The following ARL13A variants were observed in gnomAD, a reference collection of about 807,000 sequenced individuals.
The protein encoded by ARL13A is ADP-ribosylation factor-like protein 13A.
A neutral mutation model predicts 19.1 loss-of-function variants in ARL13A; 16 were observed. That is an observed-to-expected ratio of 0.84 (90% confidence interval 0.57 to 1.27). The LOEUF (loss-of-function observed/expected upper bound fraction) is 1.27. Among genes scored for constraint, ARL13A ranks in the 50% most tolerant of loss-of-function variants. The pLI, the probability that ARL13A is intolerant of heterozygous loss-of-function variation, is 0.00. For synonymous variants in ARL13A, 69 were observed against 71.3 expected (o/e 0.97, Z 0.17); for missense variants, 153 against 186.4 (o/e 0.82, Z 1.04).
intron 3 of ARL13A, among the ~76,000 whole-genome samples, chrX:100,983,500 G>A (rs1488693857): frequency 9.1e-6 from 1 of 110,070 alleles, no homozygotes; most frequent in Non-Finnish European, 1.9e-5. Context: ...AGGATTACAG[G>A]TGCCCGCCAC....
At chrX:100,985,225 G>A (rs965533220) in intron 3 of ARL13A, among the ~76,000 whole-genome samples, 21 of 112,095 alleles carry the variant, frequency 1.9e-4, no homozygotes, top group African/African-American at 6.8e-4. Flanking sequence ...GGGCAAAGGA[G>A]CCAAGGGAAG....
intron 7 of ARL13A, 73 bp downstream of exon 7, chrX:100,988,356 C>G: frequency 8.3e-7 from 1 of 1,206,956 alleles, no homozygotes; most frequent in Non-Finnish European, 1.1e-6. Flanking sequence ...ACTTTCCCCC[C>G]CATCATCTTC....
At chrX:100,975,736 G>A (rs1468265444) in intron 3 of ARL13A, among the ~76,000 whole-genome samples, 1 of 108,443 alleles carries the variant, frequency 9.2e-6, no homozygotes, top group Non-Finnish European at 1.9e-5. Context: ...AGGTTCAAGC[G>A]ATTCACATGC....
intron 1 of ARL13A, 149 bp from the exon 2 acceptor site, chrX:100,973,527 A>G: frequency 1.0e-6 from 1 of 955,717 alleles, no homozygotes; most frequent in Non-Finnish European, 1.4e-6. Context: ...TATGACATTT[A>G]TAGACACAGT....
chrX:100,987,536 A>G lies in ARL13A; in HGVS notation c.633A>G (p.Gly211=). The G allele has an allele frequency of 2.5e-6, 3 of 1,211,206 alleles. No individual in the cohort carries two copies. The highest frequency in any genetic ancestry group is 3.4e-6 in the Non-Finnish European group (3 of 895,415). Residue 211 remains glycine, a synonymous_variant, in exon 6 of 8, where the codon GGA becomes GGG. Transcript: ENST00000450049. ...ISISKNNTGS[G]ERCSSHSFST... is the part of the protein sequence containing the mutation. Reference sequence around the variant, plus strand: ...TCTCCAAGAATAACACAGGCTCTGGAGAAAGATGCTCATCACACAGGTACT... The same window carrying G: ...TCTCCAAGAATAACACAGGCTCTGGGGAAAGATGCTCATCACACAGGTACT...
At chrX:100,987,356 C>T in intron 5 of ARL13A, 34 bp from the exon 6 acceptor site, 1 of 1,200,011 alleles carries the variant, frequency 8.3e-7, no homozygotes, top group Non-Finnish European at 1.1e-6. Context: ...TCCCAGGCTC[C>T]AGGTCTGCAG....
intron 2 of ARL13A, 41 bp downstream of exon 2, chrX:100,973,789 C>A (rs1030872660): frequency 2.0e-5 from 23 of 1,154,296 alleles, no homozygotes; most frequent in Non-Finnish European, 2.5e-5. Flanking sequence ...TCCACTATTT[C>A]CTCCCACAAA....
chrX:100,980,067 G>A (rs908130867), intron 3 of ARL13A, among the ~76,000 whole-genome samples: 3 of 110,480 alleles, frequency 2.7e-5, no homozygotes, highest in African/African-American at 9.9e-5. Context: ...ACAGTACTGA[G>A]TCTCACCTAA....
At chrX:100,989,982 C>T (rs1045064199) in intron 7 of ARL13A, among the ~76,000 whole-genome samples, 1 of 112,399 alleles carries the variant, frequency 8.9e-6, no homozygotes, top group African/African-American at 3.2e-5. Flanking sequence ...AGATAACTAC[C>T]CCTAAATCTT....
At chrX:100,983,387 C>T (rs1298936111) in intron 3 of ARL13A, among the ~76,000 whole-genome samples, 1 of 110,249 alleles carries the variant, frequency 9.1e-6, no homozygotes, top group Non-Finnish European at 1.9e-5. Context: ...ACAGACGTCT[C>T]GCTCTGTCAC....
chrX:100,985,843 C>T lies in ARL13A; in HGVS notation c.307C>T (p.Arg103Cys), dbSNP rs764927411. ...VFVLDSSDIR[R>C]MQEVKIILTH... ...CGTCCTGGATTCCAGTGACATAAGA[C>T]GCATGCAGGAAGTGAAGATCATCTT... Residue 103 changes from arginine to cysteine, a missense_variant, in exon 4 of 8, where the codon CGC (arginine) becomes TGC (cysteine). Coordinates refer to ENST00000450049, the MANE Select transcript of ARL13A (RefSeq NM_001162491.2). The T allele has an allele frequency of 9.9e-6, 12 of 1,211,179 alleles. No individual in the cohort carries two copies. Among genetic ancestry groups the T allele is most frequent in the Admixed American group, 2.2e-5 (1 of 45,970 alleles).
At chrX:100,980,714 C>A (rs755333725) in intron 3 of ARL13A, among the ~76,000 whole-genome samples, 1 of 112,043 alleles carries the variant, frequency 8.9e-6, no homozygotes, top group Admixed American at 9.5e-5. Flanking sequence ...GAAGCCAGCA[C>A]AATACCAGGT....
chrX:100,989,959 G>T (rs1312231198), intron 7 of ARL13A, among the ~76,000 whole-genome samples: 1 of 112,728 alleles, frequency 8.9e-6, no homozygotes, highest in Admixed American at 9.4e-5. Context: ...GGTAGAAGAG[G>T]AAGTGTTTTT....
At chrX:100,986,353 C>T (rs551992783) in intron 4 of ARL13A, among the ~76,000 whole-genome samples, 1 of 111,827 alleles carries the variant, frequency 8.9e-6, no homozygotes, top group East Asian at 2.8e-4. Flanking sequence ...ATAACTAGCA[C>T]TTATTCCAGG....
chrX:100,980,669 G>A (rs751738952), intron 3 of ARL13A, among the ~76,000 whole-genome samples: 3 of 111,746 alleles, frequency 2.7e-5, no homozygotes, highest in Non-Finnish European at 3.8e-5. Flanking sequence ...CTCTCCTGAT[G>A]GCCACCACTG....
chrX:100,990,445 G>A (rs5967218), intron 7 of ARL13A, 117 bp from the exon 8 acceptor site: 614 of 982,491 alleles, frequency 6.2e-4, no homozygotes, highest in Middle Eastern at 3.5e-3. Flanking sequence ...GAACTATCAG[G>A]ACTACCCGGT....
At position 100,974,194 on chromosome X, in the gene ARL13A, A is replaced by T. The variant is rs1226020148; in HGVS notation, c.127A>T (p.Lys43Ter). The T allele has an allele frequency of 8.5e-7, 1 of 1,176,915 alleles. No individual in the cohort carries two copies. Among genetic ancestry groups the T allele is most frequent in the Admixed American group, 2.4e-5 (1 of 41,779 alleles). The change falls in exon 3 of 8, where the codon AAA becomes TAA. Residue 43 changes from lysine (K) to a stop codon, truncating the protein, a stop_gained. Transcript: ENST00000450049. LOFTEE classifies it high-confidence loss of function. ...AACTGTTCTTGTGGAGGCATTCCAA[A>T]AATGTAAGGAACTAAGAGCATTAGA... ...GKTVLVEAFQ[K>*]LLPSKTDHCM...
intron 1 of ARL13A, among the ~76,000 whole-genome samples, chrX:100,972,559 G>A (rs1404172404): frequency 5.9e-5 from 4 of 67,707 alleles, no homozygotes; most frequent in African/African-American, 1.7e-4. Flanking sequence ...CCTCCCTCCC[G>A]GACGGGGCGG....
In ARL13A at chrX:100,985,805, A is replaced by G. The variant is rs2085927497; in HGVS notation, c.269A>G (p.His90Arg). 1.7e-6 allele frequency: 2 copies of G among 1,209,801 alleles called. No individual in the cohort carries two copies. The highest frequency in any genetic ancestry group is 1.8e-5 in the South Asian group (1 of 56,757). The change falls in exon 4 of 8, where the codon CAT becomes CGT. Residue 90 changes from histidine (H) to arginine (R), a missense_variant. Coordinates refer to ENST00000450049, the MANE Select transcript of ARL13A (RefSeq NM_001162491.2). ...TGGCCAAACTACTATGCACAGGCCC[A>G]TGGGCTTGTTTTCGTCCTGGATTCC... ...EAWPNYYAQA[H>R]GLVFVLDSSD...
Sources: gnomAD v4.1 joint callset for allele counts (sites outside exome capture counted in the v4.1 genomes callset) on GRCh38, gnomAD v4.1.1 for gene constraint, MANE v1.5 for transcripts, NCBI Gene and HGNC (gene_info 2026-07-23, HGNC 2026-07-21) for gene names.